Variants in NTRK3 observed in about 807,000 individuals in gnomAD.
The protein encoded by NTRK3 is NT-3 growth factor receptor.
A neutral mutation model predicts 91.7 loss-of-function variants in NTRK3; 24 were observed. The observed-to-expected ratio is 0.26, with a 90% CI of 0.19 to 0.37. The LOEUF is 0.37. Among genes scored for constraint, NTRK3 ranks in the 10% least tolerant of loss-of-function variants. The probability of loss-of-function intolerance (pLI) is 1.00; values close to 1 mark genes in which losing one functional copy is unlikely to be tolerated. For missense variants in NTRK3, 880 were observed against 1,068.9 expected, an observed-to-expected ratio of 0.82 and a Z score of 2.46; for synonymous variants, 483 against 404.0, an observed-to-expected ratio of 1.20 and a Z score of -2.34.
rs76790057 is a variant in NTRK3, at chr15:88,208,444, T to A, written c.249-24145A>T. ...ACATTTGCATGATGCTACATCACTG[T>A]GTCTCAGGCTATAAAGTGCATGCAA... On this transcript the variant is annotated intron_variant, in intron 3 of 18. Coordinates refer to ENST00000394480, the Ensembl canonical transcript of NTRK3. Among the ~76,000 whole-genome samples the A allele has an allele frequency of 7.3e-3, 1,107 of 152,276 alleles. 14 individuals carry two copies. The highest frequency in any genetic ancestry group is 0.023 in the African/African-American group (963 of 41,566).
chr15:88,171,806 C>T (rs1201892206), intron 5 of NTRK3, among the ~76,000 whole-genome samples: 1 of 152,248 alleles, frequency 6.6e-6, no homozygotes, highest in Non-Finnish European at 1.5e-5. Flanking sequence ...CTTCTTCTTT[C>T]TCCCCCTCCC....
chr15:88,025,518 G>A (rs577765199), intron 14 of NTRK3, among the ~76,000 whole-genome samples: 136 of 152,176 alleles, frequency 8.9e-4, no homozygotes, highest in Non-Finnish European at 1.7e-3. Context: ...TATATGTCTG[G>A]TGTTCTTACA....
At chr15:88,147,501 TTTTC>T in intron 5 of NTRK3, 98 bp from the exon 6 acceptor site, 1 of 974,000 alleles carries the variant, frequency 1.0e-6, no homozygotes. Flanking sequence ...CCTGGCTTTG[TTTTC>T]CTTCTTCTTC....
At chr15:88,122,776 G>A (rs1413335916) in intron 13 of NTRK3, among the ~76,000 whole-genome samples, 1 of 152,074 alleles carries the variant, frequency 6.6e-6, no homozygotes, top group Non-Finnish European at 1.5e-5. Context: ...ACTTCCCACT[G>A]CCCAGACATC....
intron 13 of NTRK3, among the ~76,000 whole-genome samples, chr15:88,057,507 A>C (rs1201117004): frequency 6.6e-6 from 1 of 152,098 alleles, no homozygotes; most frequent in Non-Finnish European, 1.5e-5. Flanking sequence ...AAAAAGAAAA[A>C]AAAAAAAGAA....
intron 13 of NTRK3, among the ~76,000 whole-genome samples, chr15:88,075,347 C>A (rs1288023438): frequency 6.6e-6 from 1 of 152,200 alleles, no homozygotes; most frequent in Non-Finnish European, 1.5e-5. Context: ...ATTAATTTTG[C>A]CTTCACCAGT....
chr15:88,072,683 A>C (rs2047195068), intron 13 of NTRK3: 1 of 232,606 alleles, frequency 4.3e-6, no homozygotes, highest in African/African-American at 2.2e-5. Context: ...GAATTCAGGG[A>C]AGTTGTACCA....
At chr15:88,181,469 C>G (rs2046447942) in intron 5 of NTRK3, among the ~76,000 whole-genome samples, 1 of 152,130 alleles carries the variant, frequency 6.6e-6, no homozygotes, top group Admixed American at 6.5e-5. Flanking sequence ...CACTCCTGAG[C>G]CTGGGTCCTG....
At chr15:87,927,469 C>A (rs560748685) in intron 17 of NTRK3, 1 of 152,286 alleles carries the variant, frequency 6.6e-6, no homozygotes, top group Non-Finnish European at 1.5e-5. Flanking sequence ...ACAGGACAAT[C>A]ATATCTATTT....
At chr15:88,002,407 T>C (rs1193910947) in intron 14 of NTRK3, among the ~76,000 whole-genome samples, 1 of 152,000 alleles carries the variant, frequency 6.6e-6, no homozygotes, top group African/African-American at 2.4e-5. Flanking sequence ...TCTGTGATAG[T>C]GTTTATGTGC....
chr15:88,114,813 C>T lies in NTRK3; in HGVS notation c.1396+11458G>A, dbSNP rs16941272. ...TCTTTTATACTATTAGGTTTTCTTA[C>T]CATTTGCATATGTATCCTTTCAGAA... On this transcript the variant is annotated intron_variant, in intron 13 of 18. Transcript: ENST00000394480. Among the ~76,000 whole-genome samples the T allele has an allele frequency of 8.2e-3, 1,253 of 152,274 alleles. 12 individuals are homozygous for T. The highest frequency in any genetic ancestry group is 0.028 in the African/African-American group (1,183 of 41,528).
intron 14 of NTRK3, among the ~76,000 whole-genome samples, chr15:87,971,986 G>A (rs1302025644): frequency 6.6e-6 from 1 of 152,168 alleles, no homozygotes; most frequent in Non-Finnish European, 1.5e-5. Context: ...TGTGAGCTTT[G>A]GAGTGAGAAA....
At chr15:88,059,827 T>C (rs2046047906) in intron 13 of NTRK3, among the ~76,000 whole-genome samples, 1 of 152,176 alleles carries the variant, frequency 6.6e-6, no homozygotes, top group Non-Finnish European at 1.5e-5. Context: ...TAGGTTAAAA[T>C]GAGGTCATTA....
At chr15:88,207,517 A>G (rs2048893404) in intron 3 of NTRK3, among the ~76,000 whole-genome samples, 1 of 152,252 alleles carries the variant, frequency 6.6e-6, no homozygotes, top group Non-Finnish European at 1.5e-5. Context: ...GTTATGTGCT[A>G]TCACTGTGGC....
intron 10 of NTRK3, among the ~76,000 whole-genome samples, chr15:88,131,382 C>T (rs536390092): frequency 5.3e-5 from 8 of 152,318 alleles, no homozygotes; most frequent in African/African-American, 1.9e-4. Context: ...TGGAGTCCTT[C>T]AAAGAAAGCC....
exon 19 of NTRK3, chr15:87,860,848 T>C (rs938227680): frequency 4.6e-6 from 1 of 217,396 alleles, no homozygotes; most frequent in Non-Finnish European, 9.2e-6. Flanking sequence ...AAAATACAAA[T>C]GAGGAACTAT....
At chr15:88,205,582 A>G (rs2048678219) in intron 3 of NTRK3, among the ~76,000 whole-genome samples, 1 of 152,110 alleles carries the variant, frequency 6.6e-6, no homozygotes, top group Non-Finnish European at 1.5e-5. Flanking sequence ...ACAGCCCTCT[A>G]TTTCCTGAGC....
At chr15:88,022,937 G>A (rs1160269918) in intron 14 of NTRK3, among the ~76,000 whole-genome samples, 1 of 152,210 alleles carries the variant, frequency 6.6e-6, no homozygotes, top group Non-Finnish European at 1.5e-5. Flanking sequence ...GATGGCAGGT[G>A]GTCTCGGCCC....
intron 13 of NTRK3, among the ~76,000 whole-genome samples, chr15:88,105,713 C>A (rs79454509): frequency 0.038 from 5,709 of 151,802 alleles, 331 homozygotes; most frequent in African/African-American, 0.11. Context: ...ACACACACAC[C>A]CCCACACCAG....
Sources: gnomAD v4.1 joint callset for allele counts (sites outside exome capture counted in the v4.1 genomes callset) on GRCh38, gnomAD v4.1.1 for gene constraint, MANE v1.5 for transcripts, NCBI Gene and HGNC (gene_info 2026-07-23, HGNC 2026-07-21) for gene names.